Variants in COL4A3 observed in about 807,000 individuals in gnomAD.
COL4A3 encodes collagen type IV alpha 3 chain.
In COL4A3, 135 loss-of-function variants were observed where a neutral mutation model predicts 217.4. That is an observed-to-expected ratio of 0.62 (90% confidence interval 0.54 to 0.72). The LOEUF (loss-of-function observed/expected upper bound fraction) is 0.72. COL4A3 is among the 30% of genes least tolerant of loss of function. COL4A3 has a pLI of 0.00. For synonymous variants in COL4A3, 690 were observed against 736.3 expected (o/e 0.94, Z 1.02); for missense variants, 1,868 against 2,119.9 (o/e 0.88, Z 2.33).
chr2:227,195,678 T>TGC lies in COL4A3; in HGVS notation c.87+30866_87+30867insCG, dbSNP rs1308661077. On this transcript the variant is annotated intron_variant, in intron 1 of 51. Coordinates refer to ENST00000396578, the MANE Select transcript of COL4A3 (RefSeq NM_000091.5). ...ACATATATATATATATGTGTGTGTG[T>TGC]GTGTGTGTGTGTGTGTGTATGTGTG... Among the ~76,000 whole-genome samples the TGC allele has an allele frequency of 2.7e-3, 412 of 150,594 alleles. 2 individuals carry two copies. The highest frequency in any genetic ancestry group is 9.7e-3 in the African/African-American group (394 of 40,732).
At position 227,293,284 on chromosome 2, in the gene COL4A3, G is replaced by A. The variant is rs368275495; in HGVS notation, c.3304G>A (p.Ala1102Thr). The A allele has an allele frequency of 5.6e-6, 9 of 1,613,640 alleles. No individual in the cohort carries two copies. The African/African-American group carries it at 1.2e-4, about 22-fold the overall frequency. ...GHLGPAGPEG[A>T]PGSPGSPGLP... Reference sequence around the variant, plus strand: ...TTTGGGGCCTGCTGGACCTGAGGGAGCCCCTGGAAGTCCTGGAAGTCCTGG... The same window carrying A: ...TTTGGGGCCTGCTGGACCTGAGGGAACCCCTGGAAGTCCTGGAAGTCCTGG... Residue 1102 changes from alanine (A) to threonine (T), a missense_variant, in exon 38 of 52, where the codon GCC becomes ACC. Ala to Thr is a moderately conservative substitution (Grantham distance 58). Transcript: ENST00000396578.
intron 1 of COL4A3, among the ~76,000 whole-genome samples, chr2:227,210,643 G>A (rs781250636): frequency 2.6e-5 from 4 of 151,822 alleles, no homozygotes; most frequent in Middle Eastern, 3.4e-3. Context: ...TACACAGCAC[G>A]CATGCAAGCA....
intron 1 of COL4A3, among the ~76,000 whole-genome samples, chr2:227,194,464 C>A (rs939392665): frequency 7.2e-5 from 11 of 152,322 alleles, no homozygotes; most frequent in African/African-American, 2.6e-4. Context: ...CCTCGCTCTG[C>A]TCCTTCCCTC....
In COL4A3 at chr2:227,307,898, C is replaced by T. The variant is rs121912824; in HGVS notation, c.4441C>T (p.Arg1481Ter). The T allele has an allele frequency of 1.4e-5, 22 of 1,613,924 alleles. No homozygotes were observed. Among genetic ancestry groups the T allele is most frequent in the East Asian group, 2.2e-5 (1 of 44,888 alleles). The change falls in exon 48 of 52, where the codon CGA (arginine) becomes TGA (stop). Residue 1481 changes from arginine to a stop codon, truncating the protein, a stop_gained. Coordinates refer to ENST00000396578, the MANE Select transcript of COL4A3 (RefSeq NM_000091.5). LOFTEE classifies it high-confidence loss of function. Reference protein sequence around the residue: ...FSFLFVQGNQRAHGQDLGTLG... With the variant: ...FSFLFVQGNQ Reference sequence around the variant, plus strand: ...TTTTCTTTTTGTACAAGGAAATCAACGAGCCCACGGACAAGACCTTGGTAA... The same window carrying T: ...TTTTCTTTTTGTACAAGGAAATCAATGAGCCCACGGACAAGACCTTGGTAA...
At chr2:227,267,491 A>G (rs1319901924) in intron 23 of COL4A3, among the ~76,000 whole-genome samples, 1 of 152,226 alleles carries the variant, frequency 6.6e-6, no homozygotes, top group Admixed American at 6.5e-5. Context: ...CTACTTTTAA[A>G]AGAGTCATAG....
intron 6 of COL4A3, chr2:227,246,359 GTTTTCGAACTGAGCTCTCC>G (rs1011902385): frequency 2.0e-6 from 1 of 500,936 alleles, no homozygotes; most frequent in Non-Finnish European, 3.6e-6. Context: ...ACCTCCTTTT[GTTTTCGAACTGAGCTCTCC>G]TTTTCTCCAG....
At chr2:227,288,851 T>C (rs774314315) in intron 34 of COL4A3, among the ~76,000 whole-genome samples, 3 of 152,232 alleles carry the variant, frequency 2.0e-5, no homozygotes, top group East Asian at 1.9e-4. Flanking sequence ...ATATATGCTA[T>C]ATGCTGTACT....
At position 227,277,509 on chromosome 2, in the gene COL4A3, C is replaced by T. The variant is rs2071653585; in HGVS notation, c.2081C>T (p.Pro694Leu). 6.2e-7 allele frequency: 1 copy of T among 1,612,458 alleles called. No homozygotes were observed. Among genetic ancestry groups the T allele is most frequent in the East Asian group, 2.2e-5 (1 of 44,868 alleles). The change falls in exon 28 of 52, where the codon CCA becomes CTA. Residue 694 changes from proline to leucine, a missense_variant. Transcript: ENST00000396578. ...GGTCTTCCAGGGCCTGATGGTGAAC[C>T]AGGAATTCCAGGAATTGGATTTCCT... ...DPGLPGPDGE[P>L]GIPGIGFPGP... is the part of the protein sequence containing the mutation.
intron 38 of COL4A3, chr2:227,293,777 G>C (rs1443662313): frequency 1.3e-5 from 6 of 471,172 alleles, no homozygotes; most frequent in African/African-American, 1.2e-4. Flanking sequence ...CAAGCTGTCG[G>C]CAGCGTTGGT....
chr2:227,203,873 A>G (rs982374557), intron 1 of COL4A3, among the ~76,000 whole-genome samples: 2 of 151,872 alleles, frequency 1.3e-5, no homozygotes, highest in African/African-American at 4.8e-5. Flanking sequence ...TTTGCCACAT[A>G]TCAAGCCCAT....
At chr2:227,240,032 T>G (rs2068929596) in intron 2 of COL4A3, 111 bp from the exon 3 acceptor site, 1 of 994,600 alleles carries the variant, frequency 1.0e-6, no homozygotes, top group Admixed American at 2.0e-5. Flanking sequence ...GGAAAAAACA[T>G]GCAAAGAGTC....
Position 227,218,395 on chromosome 2 carries a change from G to C in COL4A3, c.88-19573G>C, listed in dbSNP as rs573915477. On this transcript the variant is annotated intron_variant, in intron 1 of 51. Coordinates refer to ENST00000396578, the MANE Select transcript of COL4A3 (RefSeq NM_000091.5). ...GCAGGAGAATGGCGTGAACCCGGGA[G>C]GAGGAGCTTGCAGTGAGTGGAGATT... Among the ~76,000 whole-genome samples, 26 of 152,222 alleles carry C rather than the reference G, an allele frequency of 1.7e-4. No individual in the cohort carries two copies. In the South Asian group the frequency reaches 4.1e-3, roughly 24 times the overall value.
intron 1 of COL4A3, among the ~76,000 whole-genome samples, chr2:227,200,973 T>C (rs747829300): frequency 6.6e-6 from 1 of 152,240 alleles, no homozygotes; most frequent in Admixed American, 6.5e-5. Context: ...TTCAAGAACA[T>C]GGGAAGAAGT....
At chr2:227,289,334 G>C (rs904456651) in intron 35 of COL4A3, 86 bp downstream of exon 35, 1 of 1,097,358 alleles carries the variant, frequency 9.1e-7, no homozygotes. Context: ...GGCTTACTGG[G>C]TTTAAATATC....
chr2:227,174,668 G>C (rs1410778806), intron 1 of COL4A3, among the ~76,000 whole-genome samples: 1 of 151,972 alleles, frequency 6.6e-6, no homozygotes, highest in Admixed American at 6.6e-5. Flanking sequence ...CACTATGCCC[G>C]CCTAATTTTT....
At chr2:227,179,805 G>A (rs1208661634) in intron 1 of COL4A3, among the ~76,000 whole-genome samples, 1 of 152,182 alleles carries the variant, frequency 6.6e-6, no homozygotes, top group African/African-American at 2.4e-5. Flanking sequence ...TTAGATACGT[G>A]TGCAGAGAAT....
At chr2:227,273,289 C>A (rs1266410198) in intron 26 of COL4A3, among the ~76,000 whole-genome samples, 172 bp downstream of exon 26, 1 of 152,176 alleles carries the variant, frequency 6.6e-6, no homozygotes, top group African/African-American at 2.4e-5. Context: ...AGAGAAAACT[C>A]ATTTTTTCTC....
At chr2:227,304,431 G>A in intron 46 of COL4A3, 1 of 381,474 alleles carries the variant, frequency 2.6e-6, no homozygotes, top group Non-Finnish European at 4.8e-6. Flanking sequence ...TATCTCCTCT[G>A]ACAACTGTCA....
chr2:227,304,738 T>C (rs998652761), intron 46 of COL4A3, among the ~76,000 whole-genome samples: 2 of 152,210 alleles, frequency 1.3e-5, no homozygotes, highest in Non-Finnish European at 2.9e-5. Flanking sequence ...TAAATAAAAA[T>C]TGCAGCACAA....
Sources: gnomAD v4.1 joint callset for allele counts (sites outside exome capture counted in the v4.1 genomes callset) on GRCh38, gnomAD v4.1.1 for gene constraint, MANE v1.5 for transcripts, NCBI Gene and HGNC (gene_info 2026-07-23, HGNC 2026-07-21) for gene names.